Variants in ABL1 observed in about 807,000 individuals in gnomAD.
ABL1 encodes tyrosine-protein kinase ABL1.
ABL1 carries 11 observed loss-of-function variants against 94.7 expected under a neutral mutation model. The ratio of observed to expected loss-of-function variants is 0.12; its 90% CI spans 0.07 to 0.19. The LOEUF is 0.19. ABL1 is among the 10% of genes least tolerant of loss of function. ABL1 has a pLI of 1.00. For synonymous variants in ABL1, 656 were observed against 622.4 expected, an observed-to-expected ratio of 1.05 and a Z score of -0.80; for missense variants, 1,082 against 1,489.4, an observed-to-expected ratio of 0.73 and a Z score of 4.50.
At chr9:130,737,547 G>C (rs1831759644) in intron 1 of ABL1, among the ~76,000 whole-genome samples, 1 of 152,144 alleles carries the variant, frequency 6.6e-6, no homozygotes, top group East Asian at 1.9e-4. Context: ...AGGATTACAG[G>C]TGTGAGCCAC....
intron 1 of ABL1, among the ~76,000 whole-genome samples, chr9:130,758,061 G>A (rs1263280123): frequency 4.6e-5 from 7 of 152,132 alleles, no homozygotes; most frequent in Admixed American, 2.6e-4. Context: ...GTACTTAGAT[G>A]ATTTGCTAAC....
intron 1 of ABL1, among the ~76,000 whole-genome samples, chr9:130,766,981 C>G (rs533293855): frequency 1.3e-5 from 2 of 152,228 alleles, no homozygotes; most frequent in Non-Finnish European, 2.9e-5. Flanking sequence ...CCTGGTTTCC[C>G]TCTCGAATTT....
At chr9:130,808,322 C>T (rs1830158426) in intron 1 of ABL1, among the ~76,000 whole-genome samples, 2 of 151,236 alleles carry the variant, frequency 1.3e-5, no homozygotes, top group South Asian at 4.2e-4. Context: ...CGGCTCACTG[C>T]AACCTCCACC....
At chr9:130,822,061 C>T (rs1830370375) in intron 1 of ABL1, among the ~76,000 whole-genome samples, 1 of 152,044 alleles carries the variant, frequency 6.6e-6, no homozygotes, top group Admixed American at 6.6e-5. Flanking sequence ...GATGCTCTCA[C>T]TCTCCTGACC....
chr9:130,714,565 A>G lies in ABL1; in HGVS notation c.136+110A>G, dbSNP rs34425706. 1,353 of 1,427,226 alleles carry G rather than the reference A, an allele frequency of 9.5e-4. 8 individuals are homozygous for G. In the African/African-American group the frequency reaches 0.014, roughly 15 times the overall value. 88.4% of individuals were successfully genotyped at this position (1,427,226 alleles called of 1,614,324 possible). A position where few individuals can be genotyped will look rare whatever the true frequency, so the allele number is the denominator to read the frequency against. ...CGACAGTTCCTTCCAATTCCACTTAATAAATTTGTTACTGTAGTTATCTCT... is the reference window on the plus strand; with the variant it reads ...CGACAGTTCCTTCCAATTCCACTTAGTAAATTTGTTACTGTAGTTATCTCT... On this transcript the variant is annotated intron_variant, in intron 1 of 10. Coordinates refer to the ABL1 transcript ENST00000372348.
intron 1 of ABL1, among the ~76,000 whole-genome samples, chr9:130,725,824 G>GTTTTT (rs34517462): frequency 1.1e-4 from 8 of 76,002 alleles, no homozygotes; most frequent in Admixed American, 2.8e-4. Context: ...GTGTATGGTG[G>GTTTTT]TTTTTTTTTT....
rs1172072689 is a variant in ABL1 at position 130,854,893 on chromosome 9, A to G, written c.346A>G (p.Ile116Val). The G allele has an allele frequency of 1.2e-6, 2 of 1,614,094 alleles. No individual in the cohort carries two copies. The highest frequency in any genetic ancestry group is 2.7e-5 in the African/African-American group (2 of 74,934). Reference sequence around the variant, plus strand: ...CCAAGGCTGGGTCCCAAGCAACTACATCACGCCAGTCAACAGTCTGGAGAA... The same window carrying G: ...CCAAGGCTGGGTCCCAAGCAACTACGTCACGCCAGTCAACAGTCTGGAGAA... ...NGQGWVPSNYITPVNSLEKHS... is the reference protein window; with the variant it reads ...NGQGWVPSNYVTPVNSLEKHS... Residue 116 changes from isoleucine (I) to valine (V), a missense_variant, in exon 3 of 11, where the codon ATC (isoleucine) becomes GTC (valine). Physicochemically the swap from Ile to Val is conservative, Grantham distance 29 (BLOSUM62 3). Around this residue, in one of 7 missense-constraint regions of ABL1, gnomAD observed 47 missense variants for 142.2 expected, o/e 0.33. Coordinates refer to ENST00000318560, the MANE Select transcript of ABL1 (RefSeq NM_005157.6).
At chr9:130,752,462 C>CAA (rs1831978297) in intron 1 of ABL1, among the ~76,000 whole-genome samples, 2 of 152,072 alleles carry the variant, frequency 1.3e-5, no homozygotes, top group African/African-American at 2.4e-5. Flanking sequence ...GCTTTCTTGC[C>CAA]CTACTGCAGG....
chr9:130,807,700 T>TTG (rs1263371595), intron 1 of ABL1, among the ~76,000 whole-genome samples: 1,944 of 115,254 alleles, frequency 0.017, 28 homozygotes, highest in Non-Finnish European at 0.027. Flanking sequence ...ATATAGTTTT[T>TTG]TTTTTTTTTT....
chr9:130,863,711 C>T lies in ABL1; in HGVS notation c.822+676C>T, dbSNP rs552474625. ...TTGAAGTTCTTTGAAACCCTTAGGA[C>T]GCCAAGGGAAGGAAGTTTTCATTTT... is the stretch of plus-strand genomic sequence containing the variant. On this transcript the variant is annotated intron_variant, in intron 4 of 10. Transcript: ENST00000318560. This position sits in a 1 kb window ranked among gnomAD's most constrained non-coding sequence, Gnocchi z 4.3. Among the ~76,000 whole-genome samples, 1 of 152,294 alleles carries T rather than the reference C, an allele frequency of 6.6e-6. No individual in the cohort carries two copies. Among genetic ancestry groups the T allele is most frequent in the African/African-American group, 2.4e-5 (1 of 41,546 alleles).
rs1241832995 is a variant in ABL1, at chr9:130,822,005, A to AT, written c.137-32053dup. Among the ~76,000 whole-genome samples the AT allele has an allele frequency of 1.4e-4, 22 of 151,952 alleles. No homozygotes were observed. The Middle Eastern group carries it at 0.01, about 70-fold the overall frequency. On this transcript the variant is annotated intron_variant, in intron 1 of 10. Coordinates refer to the ABL1 transcript ENST00000372348. ...AGGCACCCACCACCACCCCCGGCTA[A>AT]TTTTTTGTATTTTTAGTAGAGACGA...
intron 1 of ABL1, among the ~76,000 whole-genome samples, chr9:130,836,158 C>CT (rs1326567410): frequency 1.3e-5 from 2 of 152,210 alleles, no homozygotes; most frequent in African/African-American, 4.8e-5. Context: ...GCTCTCTTTT[C>CT]AGGGGAGGGG....
Position 130,883,991 on chromosome 9 carries a change from C to T in ABL1, c.1701C>T (p.Ala567=), listed in dbSNP as rs34372796. Residue 567 remains alanine, a synonymous_variant, in exon 11 of 11, where the codon GCC becomes GCT. Coordinates refer to ENST00000318560, the MANE Select transcript of ABL1 (RefSeq NM_005157.6). The part of the protein sequence containing the change: ...GESDPLDHEP[A]VSPLLPRKER... ...CAGATCCTCTGGACCATGAGCCTGCCGTGTCTCCATTGCTCCCTCGAAAAG... is the reference window on the plus strand; with the variant it reads ...CAGATCCTCTGGACCATGAGCCTGCTGTGTCTCCATTGCTCCCTCGAAAAG... 6,658 of 1,612,888 alleles carry T rather than the reference C, an allele frequency of 4.1e-3. 25 individuals are homozygous for T. Among genetic ancestry groups the T allele is most frequent in the Non-Finnish European group, 5.4e-3 (6,409 of 1,179,700 alleles).
At chr9:130,829,547 A>G (rs925463454) in intron 1 of ABL1, among the ~76,000 whole-genome samples, 1 of 149,796 alleles carries the variant, frequency 6.7e-6, no homozygotes, top group African/African-American at 2.5e-5. Flanking sequence ...CCTGGGTGAC[A>G]GAGCGAGACT....
At chr9:130,823,560 G>A (rs769469442) in intron 1 of ABL1, among the ~76,000 whole-genome samples, 1 of 152,152 alleles carries the variant, frequency 6.6e-6, no homozygotes, top group Non-Finnish European at 1.5e-5. Context: ...CCCTTACTCT[G>A]TAAGGCACAG....
chr9:130,764,325 C>T (rs1832154346), intron 1 of ABL1, among the ~76,000 whole-genome samples: 1 of 152,130 alleles, frequency 6.6e-6, no homozygotes, highest in Non-Finnish European at 1.5e-5. Context: ...AGGCATCTGT[C>T]CAGAGCTTTT....
chr9:130,725,839 T>TTTTTTTTTTTTG (rs1831577060), intron 1 of ABL1, among the ~76,000 whole-genome samples: 4 of 131,448 alleles, frequency 3.0e-5, no homozygotes, highest in African/African-American at 1.1e-4. Context: ...TTTTTTTTTT[T>TTTTTTTTTTTTG]TTTTTTTTTT....
intron 6 of ABL1, 107 bp from the exon 7 acceptor site, chr9:130,874,761 G>A: frequency 8.2e-7 from 1 of 1,215,278 alleles, no homozygotes; most frequent in East Asian, 2.3e-5. Flanking sequence ...CAGGGCATTG[G>A]ACTCAATCTT....
intron 1 of ABL1, among the ~76,000 whole-genome samples, chr9:130,719,901 A>C (rs57802226): frequency 6.6e-6 from 1 of 152,176 alleles, no homozygotes; most frequent in Non-Finnish European, 1.5e-5. Flanking sequence ...AGAATCATTC[A>C]GGGTCAAAGG....
Sources: allele counts gnomAD v4.1 joint callset (sites outside exome capture counted in the v4.1 genomes callset), GRCh38; gene constraint gnomAD v4.1.1; regional missense constraint gnomAD v4.1.1; non-coding constraint Gnocchi (gnomAD v3.1); transcripts MANE v1.5; gene names NCBI Gene and HGNC (gene_info 2026-07-23, HGNC 2026-07-21).